Variants in DDX10 observed in about 807,000 individuals in gnomAD.
DDX10 encodes the protein probable ATP-dependent RNA helicase DDX10.
DDX10 carries 74 observed loss-of-function variants against 104.3 expected under a neutral mutation model. The ratio of observed to expected loss-of-function variants is 0.71; its 90% CI spans 0.59 to 0.86. The LOEUF is 0.86. Ranked by LOEUF, DDX10 falls within the 40% of genes least tolerant of loss-of-function variation. The pLI is 0.00. For synonymous variants in DDX10, 351 were observed against 353.4 expected (o/e 0.99, Z 0.08); for missense variants, 952 against 1,040.0 (o/e 0.92, Z 1.16).
chr11:108,892,893 C>A (rs913969519), intron 16 of DDX10, among the ~76,000 whole-genome samples: 7 of 152,132 alleles, frequency 4.6e-5, no homozygotes. Flanking sequence ...TCTCACCTAT[C>A]CTTCACTGTT....
At chr11:108,776,671 T>A (rs1468459992) in intron 13 of DDX10, among the ~76,000 whole-genome samples, 1 of 152,160 alleles carries the variant, frequency 6.6e-6, no homozygotes, top group Non-Finnish European at 1.5e-5. Context: ...TCACGTGAGA[T>A]CCTTTAAAAA....
chr11:108,697,741 T>G (rs2094261912), intron 9 of DDX10, among the ~76,000 whole-genome samples: 1 of 152,214 alleles, frequency 6.6e-6, no homozygotes, highest in Admixed American at 6.5e-5. Context: ...AAAGCAATTC[T>G]CTTTAGGGCT....
chr11:108,713,200 C>T (rs1269035534), intron 10 of DDX10, among the ~76,000 whole-genome samples: 4 of 152,140 alleles, frequency 2.6e-5, no homozygotes, highest in African/African-American at 7.2e-5. Context: ...TTGGAGCTTT[C>T]TGAGCTCTTG....
intron 13 of DDX10, among the ~76,000 whole-genome samples, chr11:108,784,253 A>G (rs1861754874): frequency 6.6e-6 from 1 of 152,224 alleles, no homozygotes; most frequent in East Asian, 1.9e-4. Context: ...TGGCTAAACT[A>G]GTTTGCCTTC....
At chr11:108,802,571 C>T (rs2615760) in intron 13 of DDX10, among the ~76,000 whole-genome samples, 23,193 of 152,140 alleles carry the variant, frequency 0.15, 1,957 homozygotes, top group East Asian at 0.27. Context: ...CTGGTTCTAT[C>T]ATGTTTACAA....
chr11:108,823,961 G>T (rs2134580224), intron 13 of DDX10, among the ~76,000 whole-genome samples: 1 of 152,288 alleles, frequency 6.6e-6, no homozygotes, highest in East Asian at 1.9e-4. Context: ...AAGGAAGGTA[G>T]TAGAGGTGTG....
chr11:108,716,257 C>G (rs1218541892), intron 11 of DDX10, among the ~76,000 whole-genome samples: 1 of 151,964 alleles, frequency 6.6e-6, no homozygotes, highest in African/African-American at 2.4e-5. Flanking sequence ...CACTACCACA[C>G]CTGGCTAATT....
chr11:108,863,268 A>G (rs979592658), intron 16 of DDX10, among the ~76,000 whole-genome samples: 45 of 152,200 alleles, frequency 3.0e-4, no homozygotes, highest in Admixed American at 2.9e-3. Context: ...ACTTGAGGAA[A>G]TAAATCTTTT....
chr11:108,741,539 C>A lies in DDX10; in HGVS notation c.1965+18077C>A, dbSNP rs186538766. ...TTCCACCTTCCTGGTTAGCTGTATT[C>A]CTAGGTATTTTATTTTTGTGGTTGT... On this transcript the variant is annotated intron_variant, in intron 13 of 17. Coordinates refer to ENST00000322536, the MANE Select transcript of DDX10 (RefSeq NM_004398.4). Among the ~76,000 whole-genome samples, 230 of 152,110 alleles carry A rather than the reference C, an allele frequency of 1.5e-3. 1 individual carries two copies. Among genetic ancestry groups the A allele is most frequent in the African/African-American group, 5.3e-3 (221 of 41,462 alleles).
chr11:108,898,532 A>C (rs1275952736), intron 16 of DDX10, among the ~76,000 whole-genome samples: 2 of 152,168 alleles, frequency 1.3e-5, no homozygotes, highest in Non-Finnish European at 2.9e-5. Flanking sequence ...AGACAGAGAC[A>C]GCTGAAAAGC....
intron 16 of DDX10, among the ~76,000 whole-genome samples, chr11:108,908,059 T>C (rs1863620324): frequency 6.6e-6 from 1 of 152,218 alleles, no homozygotes; most frequent in Non-Finnish European, 1.5e-5. Context: ...CTTTCAGTAA[T>C]GCATTTAATA....
At chr11:108,794,654 C>T (rs576953733) in intron 13 of DDX10, among the ~76,000 whole-genome samples, 3 of 151,856 alleles carry the variant, frequency 2.0e-5, no homozygotes, top group Admixed American at 6.5e-5. Context: ...AGTTTGTTAA[C>T]GTGGTTAATG....
chr11:108,828,664 G>A lies in DDX10; in HGVS notation c.1966-9782G>A, dbSNP rs556679862. ...TTAATTTTAAGACTATAGCTCCGTC[G>A]CCCAGGCTGGAGTGCAGTGGCACAA... is the stretch of plus-strand genomic sequence containing the variant. On this transcript the variant is annotated intron_variant, in intron 13 of 17. Coordinates refer to ENST00000322536, the MANE Select transcript of DDX10 (RefSeq NM_004398.4). Among the ~76,000 whole-genome samples the A allele has an allele frequency of 3.4e-4, 51 of 152,130 alleles. No homozygotes were observed. In the South Asian group the frequency reaches 8.1e-3, roughly 24 times the overall value.
intron 13 of DDX10, among the ~76,000 whole-genome samples, chr11:108,785,848 A>G (rs543029671): frequency 6.6e-6 from 1 of 151,962 alleles, no homozygotes; most frequent in South Asian, 2.1e-4. Context: ...AATTTTATTC[A>G]ATTCTTATTT....
chr11:108,679,225 A>G, intron 5 of DDX10, 146 bp from the exon 6 acceptor site: 1 of 669,876 alleles, frequency 1.5e-6, no homozygotes, highest in East Asian at 2.7e-5. Context: ...TTGCTACATC[A>G]TATAAATTCC....
At chr11:108,936,445 T>G (rs1342915103) in intron 17 of DDX10, among the ~76,000 whole-genome samples, 1 of 152,148 alleles carries the variant, frequency 6.6e-6, no homozygotes, top group Non-Finnish European at 1.5e-5. Context: ...ACTTCAAATT[T>G]AATTTTTTTC....
rs10602059 is a variant in DDX10, at chr11:108,708,210, T to TAA, written c.1322+1390_1322+1391dup. 6.1e-4 allele frequency among the ~76,000 whole-genome samples: 78 copies of TAA among 127,174 alleles called. 2 individuals are homozygous for TAA. In the South Asian group the frequency reaches 0.017, roughly 27 times the overall value. The allele number at this position is 127,174 out of a possible 152,430, so 83.4% of individuals were successfully genotyped here. ...GTCCTCTATTCCTAGTTTACTGAGTTAAAAAAAAAAAAAAAAAAGATCATG... is the reference window on the plus strand; with the variant it reads ...GTCCTCTATTCCTAGTTTACTGAGTTAAAAAAAAAAAAAAAAAAAAGATCATG... On this transcript the variant is annotated intron_variant, in intron 10 of 17. Coordinates refer to ENST00000322536, the MANE Select transcript of DDX10 (RefSeq NM_004398.4).
intron 13 of DDX10, among the ~76,000 whole-genome samples, chr11:108,823,689 T>C (rs1862356538): frequency 6.6e-6 from 1 of 152,236 alleles, no homozygotes; most frequent in Non-Finnish European, 1.5e-5. Flanking sequence ...GGTGGTTCAC[T>C]GAATAGCTAG....
At chr11:108,743,021 C>T (rs2134497303) in intron 13 of DDX10, among the ~76,000 whole-genome samples, 1 of 152,286 alleles carries the variant, frequency 6.6e-6, no homozygotes, top group East Asian at 1.9e-4. Context: ...GGGACCTCCT[C>T]CTGAATTCAT....
Sources: allele counts gnomAD v4.1 joint callset (sites outside exome capture counted in the v4.1 genomes callset), GRCh38; gene constraint gnomAD v4.1.1; transcripts MANE v1.5; gene names NCBI Gene and HGNC (gene_info 2026-07-23, HGNC 2026-07-21).